Variants in MTPAP observed in about 807,000 individuals in gnomAD.
MTPAP encodes the protein poly(A) RNA polymerase, mitochondrial.
Under a neutral mutation model 48.7 loss-of-function variants are expected in MTPAP, and 23 were observed. The observed-to-expected ratio is 0.47, with a 90% confidence interval of 0.34 to 0.67. MTPAP has a LOEUF of 0.67. Among genes scored for constraint, MTPAP ranks in the 30% least tolerant of loss-of-function variants. The pLI is 0.01. For missense variants in MTPAP, 614 were observed against 694.3 expected, an observed-to-expected ratio of 0.88 and a Z score of 1.30; for synonymous variants, 257 against 254.1, an observed-to-expected ratio of 1.01 and a Z score of -0.11.
intron 4 of MTPAP, among the ~76,000 whole-genome samples, chr10:30,328,618 A>C (rs1834627146): frequency 6.6e-6 from 1 of 152,194 alleles, no homozygotes; most frequent in African/African-American, 2.4e-5. Flanking sequence ...AACAATGTTT[A>C]TCATGGACAT....
intron 4 of MTPAP, among the ~76,000 whole-genome samples, chr10:30,327,114 C>T (rs1459422400): frequency 6.6e-6 from 1 of 152,002 alleles, no homozygotes; most frequent in African/African-American, 2.4e-5. Context: ...ATATTTAAGG[C>T]CACAAATTAC....
chr10:30,326,103 A>G (rs1379557748), intron 5 of MTPAP, among the ~76,000 whole-genome samples: 1 of 152,134 alleles, frequency 6.6e-6, no homozygotes, highest in Non-Finnish European at 1.5e-5. Flanking sequence ...TTGCCATCAG[A>G]AATTTCTCCT....
At chr10:30,342,887 T>A (rs1204914498) in intron 1 of MTPAP, among the ~76,000 whole-genome samples, 1 of 151,974 alleles carries the variant, frequency 6.6e-6, no homozygotes, top group Non-Finnish European at 1.5e-5. Flanking sequence ...AGTTTTACAA[T>A]CACAGGGAAT....
intron 6 of MTPAP, among the ~76,000 whole-genome samples, chr10:30,319,194 C>T (rs1210650330): frequency 6.6e-6 from 1 of 151,960 alleles, no homozygotes; most frequent in Admixed American, 6.6e-5. Flanking sequence ...CAGGAATCAA[C>T]GTAAAAGAAG....
Position 30,336,794 on chromosome 10 carries a change from T to C in MTPAP, c.780+9A>G, listed in dbSNP as rs773007539. On this transcript the variant is annotated intron_variant, in intron 4 of 8. Coordinates refer to ENST00000263063, the MANE Select transcript of MTPAP (RefSeq NM_018109.4). The stretch of plus-strand genomic sequence containing the variant: ...ACATGATTATAGTGGTCAAAAGAAA[T>C]AGACTTACCTTGTGAGCGCTGAGGT... 1.3e-5 allele frequency: 21 copies of C among 1,581,662 alleles called. 1 individual carries two copies. The highest frequency in any genetic ancestry group is 1.2e-4 in the South Asian group (11 of 90,348).
chr10:30,315,510 AAAAAC>A (rs1554817030), intron 8 of MTPAP, among the ~76,000 whole-genome samples: 76 of 147,218 alleles, frequency 5.2e-4, no homozygotes, highest in Middle Eastern at 3.5e-3. Context: ...CTCAAAAAAA[AAAAAC>A]AAAACAAAAC....
intron 2 of MTPAP, 91 bp from the exon 3 acceptor site, chr10:30,340,541 G>A: frequency 1.1e-6 from 1 of 931,998 alleles, no homozygotes; most frequent in South Asian, 1.3e-5. Flanking sequence ...TTATCATAAT[G>A]CTACAAAATA....
rs1361438434 is a variant in MTPAP at position 30,310,212 on chromosome 10, T to A, written c.*3397A>T. 6 of 152,166 alleles carry A rather than the reference T, an allele frequency of 3.9e-5. No homozygotes were observed. In the East Asian group the frequency reaches 1.2e-3, roughly 29 times the overall value. The allele number at this position is 152,166 out of a possible 1,614,324, so 9.4% of individuals were successfully genotyped here. Reference sequence around the variant, plus strand: ...AATAAAAATATTTTAAAAATCTGGGTTGTGATACACTAAAGTTATGAGAAA... The same window carrying A: ...AATAAAAATATTTTAAAAATCTGGGATGTGATACACTAAAGTTATGAGAAA... On this transcript the variant is annotated 3_prime_UTR_variant, in exon 9 of 9. Transcript: ENST00000263063.
chr10:30,334,374 G>A (rs1834705174), intron 4 of MTPAP, among the ~76,000 whole-genome samples: 1 of 152,068 alleles, frequency 6.6e-6, no homozygotes, highest in African/African-American at 2.4e-5. Flanking sequence ...AAACAATGTG[G>A]TTGGGGCCGG....
At chr10:30,315,510 A>AC (rs963595512) in intron 8 of MTPAP, among the ~76,000 whole-genome samples, 10 of 147,246 alleles carry the variant, frequency 6.8e-5, no homozygotes, top group African/African-American at 2.0e-4. Context: ...CTCAAAAAAA[A>AC]AAAACAAAAC....
chr10:30,329,772 G>GA (rs375054585), intron 4 of MTPAP, among the ~76,000 whole-genome samples: 24 of 147,110 alleles, frequency 1.6e-4, no homozygotes, highest in Admixed American at 2.7e-4. Context: ...CTGAAAGAGG[G>GA]AAAAAAAAAA....
intron 1 of MTPAP, among the ~76,000 whole-genome samples, chr10:30,343,743 T>A (rs1168308005): frequency 6.6e-6 from 1 of 151,732 alleles, no homozygotes; most frequent in Non-Finnish European, 1.5e-5. Context: ...AATTTTTGTA[T>A]GTTTAGTAGA....
Position 30,340,365 on chromosome 10 carries a change from T to G in MTPAP, c.416A>C (p.Glu139Ala), listed in dbSNP as rs748355483. The G allele has an allele frequency of 6.2e-7, 1 of 1,614,068 alleles. No individual in the cohort carries two copies. The highest frequency in any genetic ancestry group is 1.7e-5 in the Admixed American group (1 of 59,992). ...ACGTGATCTGAATGGAATTGCAGTC[T>G]CCATGGCCGTGCTTGGAGTATGAGT... ...NGTHTPSTAM[E>A]TAIPFRSRFF... Residue 139 changes from glutamate (E) to alanine (A), a missense_variant, in exon 3 of 9, where the codon GAG becomes GCG. Around this residue, in one of 5 missense-constraint regions of MTPAP, gnomAD observed 114 missense variants for 107.9 expected, o/e 1.06. Coordinates refer to ENST00000263063, the MANE Select transcript of MTPAP (RefSeq NM_018109.4).
At chr10:30,321,238 C>CTTTAT (rs10581540) in intron 6 of MTPAP, among the ~76,000 whole-genome samples, 2,482 of 152,016 alleles carry the variant, frequency 0.016, 21 homozygotes, top group Non-Finnish European at 0.025. Context: ...TCAAATCTAG[C>CTTTAT]TTTATTTTAT....
chr10:30,320,315 C>A (rs1357020611), intron 6 of MTPAP, among the ~76,000 whole-genome samples: 1 of 152,076 alleles, frequency 6.6e-6, no homozygotes, highest in Admixed American at 6.6e-5. Flanking sequence ...ATCCCCTGAG[C>A]CCAGTTCAAG....
chr10:30,315,350 C>T (rs1394692372), intron 8 of MTPAP, among the ~76,000 whole-genome samples: 1 of 152,078 alleles, frequency 6.6e-6, no homozygotes, highest in Non-Finnish European at 1.5e-5. Flanking sequence ...TAGCCAAATG[C>T]TAAACAGAAT....
In MTPAP at chr10:30,313,439, C is replaced by A; in HGVS notation, c.*170G>T. On this transcript the variant is annotated 3_prime_UTR_variant, in exon 9 of 9. Coordinates refer to ENST00000263063, the MANE Select transcript of MTPAP (RefSeq NM_018109.4). The stretch of plus-strand genomic sequence containing the variant: ...GCCACTGAGTATCAGACTGATCAAA[C>A]TGAAAACATCCCAGAACTTCAGACC... 1.1e-6 allele frequency: 1 copy of A among 926,962 alleles called. No homozygotes were observed. Among genetic ancestry groups the A allele is most frequent in the South Asian group, 1.5e-5 (1 of 65,620 alleles). 57.4% of individuals were successfully genotyped at this position (926,962 alleles called of 1,614,324 possible). A position where few individuals can be genotyped will look rare whatever the true frequency, so the allele number is the denominator to read the frequency against.
chr10:30,342,167 C>A (rs1834817643), intron 1 of MTPAP, among the ~76,000 whole-genome samples: 1 of 152,108 alleles, frequency 6.6e-6, no homozygotes, highest in South Asian at 2.1e-4. Context: ...AACCAGGTGG[C>A]AGACGTTGCA....
intron 8 of MTPAP, among the ~76,000 whole-genome samples, chr10:30,315,441 G>A (rs1351642754): frequency 1.6e-5 from 2 of 127,414 alleles, no homozygotes; most frequent in African/African-American, 5.4e-5. Flanking sequence ...GTTTCTTTTT[G>A]AAAAGAAAAA....
Sources: gnomAD v4.1 joint callset for allele counts (sites outside exome capture counted in the v4.1 genomes callset) on GRCh38, gnomAD v4.1.1 for gene constraint, gnomAD v4.1.1 regional missense constraint, MANE v1.5 for transcripts, NCBI Gene and HGNC (gene_info 2026-07-23, HGNC 2026-07-21) for gene names.